The following LDB1 variants were observed in gnomAD, a reference collection of about 807,000 sequenced individuals.
LDB1 encodes the protein LIM domain-binding protein 1.
In LDB1, 6 loss-of-function variants were observed where a neutral mutation model predicts 49.7. That is an observed-to-expected ratio of 0.12 (90% CI 0.07 to 0.24). The LOEUF is 0.24. Ranked by LOEUF, LDB1 falls within the 10% of genes least tolerant of loss-of-function variation. The pLI is 1.00. For missense variants in LDB1, 341 were observed against 561.7 expected, an observed-to-expected ratio of 0.61 and a Z score of 3.97; for synonymous variants, 233 against 202.0, an observed-to-expected ratio of 1.15 and a Z score of -1.30.
At chr10:102,118,008 A>G (rs1280059115) in intron 1 of LDB1, among the ~76,000 whole-genome samples, 1 of 151,714 alleles carries the variant, frequency 6.6e-6, no homozygotes, top group Non-Finnish European at 1.5e-5. Flanking sequence ...CACAAAGGAG[A>G]GACTCAGACA....
In LDB1 at chr10:102,109,069, T is replaced by C. The variant is rs148871407; in HGVS notation, c.965A>G (p.Lys322Arg). ...GNTNNSNSKKKSPASTFALSS... is the reference protein window; with the variant it reads ...GNTNNSNSKKRSPASTFALSS... ...GAGGGCGAAGGTGCTAGCTGGGCTC[T>C]TCTTCTTGCTGTTGCTGTTGTTGGT... is the stretch of plus-strand genomic sequence containing the variant. Residue 322 changes from lysine to arginine, a missense_variant, in exon 10 of 11, where the codon AAG becomes AGG. Lys to Arg is a conservative substitution (Grantham distance 26). This residue lies in a region of LDB1 where 233 missense variants were observed against 385.7 expected (regional missense o/e 0.60). Transcript: ENST00000673968. This position sits in a 1 kb window ranked among gnomAD's most constrained non-coding sequence, Gnocchi z 5.8. The C allele has an allele frequency of 1.7e-5, 27 of 1,614,096 alleles. No homozygotes were observed. The highest frequency in any genetic ancestry group is 2.3e-5 in the Non-Finnish European group (27 of 1,180,026).
chr10:102,120,287 C>T lies in LDB1; in HGVS notation c.-177G>A. On this transcript the variant is annotated 5_prime_UTR_variant, in exon 1 of 11. Coordinates refer to ENST00000673968, the MANE Select transcript of LDB1 (RefSeq NM_001113407.3). ...GCTGCGGCGAGGGGCCTGTCAGGCG[C>T]GGAGCAGACAGGAAGGAAGCCAGGC... The T allele has an allele frequency of 1.0e-6, 1 of 984,066 alleles. No individual in the cohort carries two copies. The highest frequency in any genetic ancestry group is 1.1e-4 in the East Asian group (1 of 8,760). 61.0% of individuals were successfully genotyped at this position (984,066 alleles called of 1,614,324 possible).
In LDB1 at chr10:102,116,342, C is replaced by T. The variant is rs2068336293; in HGVS notation, c.25+3744G>A. Among the ~76,000 whole-genome samples the T allele has an allele frequency of 3.3e-5, 5 of 152,170 alleles. No individual in the cohort carries two copies. The South Asian group carries it at 1.0e-3, about 32-fold the overall frequency. On this transcript the variant is annotated intron_variant, in intron 1 of 10. Coordinates refer to ENST00000673968, the MANE Select transcript of LDB1 (RefSeq NM_001113407.3). Reference sequence around the variant, plus strand: ...GATTACAGGTGCATGCCACCACACCCAGCTAATTTTTGTATTTTTAGTAGA... The same window carrying T: ...GATTACAGGTGCATGCCACCACACCTAGCTAATTTTTGTATTTTTAGTAGA...
In LDB1 at chr10:102,111,551, A is replaced by G; in HGVS notation, c.26-15T>C. On this transcript the variant is annotated splice_polypyrimidine_tract_variant and intron_variant, in intron 1 of 10. Coordinates refer to ENST00000673968, the MANE Select transcript of LDB1 (RefSeq NM_001113407.3). ...TGAGGAACAACCTAGACGAGAAAGA[A>G]AGGAGTCATAGCTGGGCGCGGTGGC... The G allele has an allele frequency of 1.3e-6, 2 of 1,490,772 alleles. No homozygotes were observed. The highest frequency in any genetic ancestry group is 9.0e-7 in the Non-Finnish European group (1 of 1,110,204). The allele number at this position is 1,490,772 out of a possible 1,614,324, so 92.3% of individuals were successfully genotyped here.
chr10:102,104,337 C>T (rs974446912), downstream of LDB1, among the ~76,000 whole-genome samples: 1 of 152,192 alleles, frequency 6.6e-6, no homozygotes, highest in Non-Finnish European at 1.5e-5. Context: ...CATACGTAAA[C>T]ATATGCGTAT....
At chr10:102,108,932 C>T in intron 10 of LDB1, 97 bp downstream of exon 10, 1 of 1,527,198 alleles carries the variant, frequency 6.5e-7, no homozygotes, top group Non-Finnish European at 9.1e-7. Context: ...GAAAAACTGT[C>T]TTTGCTTCTA....
At chr10:102,115,078 A>G (rs954877539) in intron 1 of LDB1, 10 of 153,284 alleles carry the variant, frequency 6.5e-5, no homozygotes, top group Non-Finnish European at 1.0e-4. Flanking sequence ...GAGGAAGAGC[A>G]AGGGAGGGAG....
intron 1 of LDB1, among the ~76,000 whole-genome samples, chr10:102,115,515 G>A (rs372024376): frequency 6.6e-6 from 1 of 152,296 alleles, no homozygotes; most frequent in East Asian, 1.9e-4. Context: ...CTGATTGGAG[G>A]AAGGGGGACA....
chr10:102,119,467 TA>T (rs1208939406), intron 1 of LDB1, among the ~76,000 whole-genome samples: 2 of 152,062 alleles, frequency 1.3e-5, no homozygotes, highest in Non-Finnish European at 2.9e-5. Flanking sequence ...CTCTATTTCC[TA>T]GCCTGCCCTC....
intron 6 of LDB1, 37 bp downstream of exon 6, chr10:102,110,485 AAACCCAG>A (rs2068235468): frequency 6.3e-7 from 1 of 1,575,906 alleles, no homozygotes; most frequent in African/African-American, 1.3e-5. Context: ...GATGGGAATC[AAACCCAG>A]GTGCCATGGT....
At chr10:102,111,217 C>T (rs1363350159) in intron 3 of LDB1, 39 bp downstream of exon 3, 13 of 1,613,360 alleles carry the variant, frequency 8.1e-6, no homozygotes, top group Non-Finnish European at 9.3e-6. Context: ...GGCCTTCACC[C>T]AGTGGAAAGC....
intron 1 of LDB1, among the ~76,000 whole-genome samples, chr10:102,115,161 A>G (rs1242997834): frequency 6.6e-6 from 1 of 152,058 alleles, no homozygotes; most frequent in Non-Finnish European, 1.5e-5. Context: ...GGGACGGATC[A>G]GATTGGGCCA....
intron 1 of LDB1, chr10:102,114,986 C>G (rs564991323): frequency 2.7e-6 from 1 of 369,758 alleles, no homozygotes; most frequent in Non-Finnish European, 3.7e-6. Context: ...TCGCTCTCTC[C>G]GAGCCTCTCT....
chr10:102,105,259 T>C (rs2068146833), downstream of LDB1, among the ~76,000 whole-genome samples: 1 of 151,494 alleles, frequency 6.6e-6, no homozygotes, highest in African/African-American at 2.4e-5. Context: ...AAAGGAAGAG[T>C]TGGGGGTGGG....
rs1218901282 is a variant in LDB1 at position 102,107,725 on chromosome 10, T to C, written c.*368A>G. ...CGTAACTTTAAGTCCCTAAGGGCTG[T>C]GGGTATAGACAACCCCAGGCTTGAA... is the stretch of plus-strand genomic sequence containing the variant. On this transcript the variant is annotated 3_prime_UTR_variant, in exon 11 of 11. Transcript: ENST00000673968. 3.6e-6 allele frequency: 1 copy of C among 279,678 alleles called. No homozygotes were observed. Among genetic ancestry groups the C allele is most frequent in the African/African-American group, 2.2e-5 (1 of 46,134 alleles). 17.3% of individuals were successfully genotyped at this position (279,678 alleles called of 1,614,324 possible).
rs2068223936 is a variant in LDB1 at position 102,109,851 on chromosome 10, T to C, written c.648+70A>G. On this transcript the variant is annotated intron_variant, in intron 7 of 10. Transcript: ENST00000673968. This position sits in a 1 kb window ranked among gnomAD's most constrained non-coding sequence, Gnocchi z 5.8. ...TCTGTCTAAGTAGTCAGTCGGGAAA[T>C]GGCAGACCTTGTTCCACCCTTCCCC... is the stretch of plus-strand genomic sequence containing the variant. 42 of 1,584,706 alleles carry C rather than the reference T, an allele frequency of 2.7e-5. 1 individual carries two copies. The South Asian group carries it at 4.6e-4, about 18-fold the overall frequency.
At chr10:102,121,141 G>A (rs918352936), upstream of LDB1, among the ~76,000 whole-genome samples, 2 of 152,128 alleles carry the variant, frequency 1.3e-5, no homozygotes. Context: ...GTGTTTTGCT[G>A]GGGGGAGGGG....
rs1211940178 is a variant in LDB1 at position 102,117,486 on chromosome 10, A to G, written c.25+2600T>C. On this transcript the variant is annotated intron_variant, in intron 1 of 10. Coordinates refer to ENST00000673968, the MANE Select transcript of LDB1 (RefSeq NM_001113407.3). The surrounding 1 kb of genome is among the most constrained non-coding windows in gnomAD (Gnocchi z 4.2). ...GTACTCCTCCTGGAGGTGGGGACTC[A>G]AAGGACAGCAGCCAGCCCCAGCCCA... is the stretch of plus-strand genomic sequence containing the variant. Among the ~76,000 whole-genome samples, 1 of 152,118 alleles carries G rather than the reference A, an allele frequency of 6.6e-6. No individual in the cohort carries two copies. The highest frequency in any genetic ancestry group is 1.5e-5 in the Non-Finnish European group (1 of 68,012).
At chr10:102,111,028 G>A (rs1392805976) in intron 4 of LDB1, 41 bp downstream of exon 4, 2 of 1,611,662 alleles carry the variant, frequency 1.2e-6, no homozygotes, top group Non-Finnish European at 1.7e-6. Context: ...AGGGTGCCCA[G>A]ATGGCCCTCC....
Sources: allele counts gnomAD v4.1 joint callset (sites outside exome capture counted in the v4.1 genomes callset), GRCh38; gene constraint gnomAD v4.1.1; regional missense constraint gnomAD v4.1.1; non-coding constraint Gnocchi (gnomAD v3.1); transcripts MANE v1.5; gene names NCBI Gene and HGNC (gene_info 2026-07-23, HGNC 2026-07-21).